The following MEGF9 variants were observed in gnomAD, a reference collection of about 807,000 sequenced individuals.
MEGF9 encodes the protein multiple EGF like domains 9.
MEGF9 carries 6 observed loss-of-function variants against 46.8 expected under a neutral mutation model. The observed-to-expected ratio is 0.13, with a 90% CI of 0.07 to 0.25. MEGF9 has a LOEUF of 0.25. MEGF9 is among the 10% of genes least tolerant of loss of function. The pLI is 1.00. For missense variants in MEGF9, 683 were observed against 792.4 expected, an observed-to-expected ratio of 0.86 and a Z score of 1.66; for synonymous variants, 302 against 330.7, an observed-to-expected ratio of 0.91 and a Z score of 0.94.
intron 1 of MEGF9, among the ~76,000 whole-genome samples, chr9:120,689,440 A>T (rs1264683365): frequency 6.6e-6 from 1 of 152,032 alleles, no homozygotes; most frequent in Non-Finnish European, 1.5e-5. Flanking sequence ...TATACAAGAG[A>T]GGAAGAATAA....
chr9:120,604,421 GATACAA>G lies in MEGF9; in HGVS notation c.*763_*768del, dbSNP rs1218900559. The G allele has an allele frequency of 1.3e-5, 2 of 152,258 alleles. No individual in the cohort carries two copies. The highest frequency in any genetic ancestry group is 2.4e-5 in the African/African-American group (1 of 41,292). 9.4% of individuals were successfully genotyped at this position (152,258 alleles called of 1,614,324 possible). On this transcript the variant is annotated 3_prime_UTR_variant, in exon 6 of 6. Coordinates refer to ENST00000373930, the MANE Select transcript of MEGF9 (RefSeq NM_001080497.3). ...TGACATGATTTTTTTTTTACAAATA[GATACAA>G]ATACAACGTCGACCAGATATGCTAC...
At chr9:120,677,426 T>C (rs2132331118) in intron 1 of MEGF9, among the ~76,000 whole-genome samples, 1 of 152,356 alleles carries the variant, frequency 6.6e-6, no homozygotes, top group East Asian at 1.9e-4. Context: ...CCACTGCGTC[T>C]GGCATTTTTT....
intron 2 of MEGF9, among the ~76,000 whole-genome samples, chr9:120,630,889 T>C (rs775942341): frequency 6.6e-6 from 1 of 152,252 alleles, no homozygotes; most frequent in Non-Finnish European, 1.5e-5. Flanking sequence ...TTAGTCTCTT[T>C]CAGATGAATA....
chr9:120,640,994 T>C (rs554525922), intron 2 of MEGF9, among the ~76,000 whole-genome samples: 1 of 152,330 alleles, frequency 6.6e-6, no homozygotes, highest in African/African-American at 2.4e-5. Context: ...TTGCCGAGGA[T>C]AATGGCCTCC....
At chr9:120,634,959 T>TA (rs2043567625) in intron 2 of MEGF9, among the ~76,000 whole-genome samples, 1 of 152,222 alleles carries the variant, frequency 6.6e-6, no homozygotes, top group South Asian at 2.1e-4. Context: ...TCCTTTCACT[T>TA]ACAGATGTAG....
intron 2 of MEGF9, among the ~76,000 whole-genome samples, chr9:120,627,189 A>C (rs982423421): frequency 1.3e-5 from 2 of 152,314 alleles, no homozygotes; most frequent in Middle Eastern, 3.4e-3. Context: ...GTTTTGGGGG[A>C]AAAAATTTTA....
intron 1 of MEGF9, among the ~76,000 whole-genome samples, chr9:120,680,924 C>T (rs1455508832): frequency 9.9e-5 from 15 of 151,654 alleles, no homozygotes; most frequent in African/African-American, 3.6e-4. Flanking sequence ...TTCCAGGCAG[C>T]AGGCTCCCCT....
chr9:120,701,551 C>G (rs1265700559), intron 1 of MEGF9, among the ~76,000 whole-genome samples: 1 of 152,110 alleles, frequency 6.6e-6, no homozygotes, highest in Non-Finnish European at 1.5e-5. Flanking sequence ...ACCAGTATAA[C>G]AGCAATCCCG....
At chr9:120,626,859 T>C (rs2043527630) in intron 2 of MEGF9, among the ~76,000 whole-genome samples, 1 of 152,182 alleles carries the variant, frequency 6.6e-6, no homozygotes, top group Admixed American at 6.5e-5. Context: ...TATTAAAAAT[T>C]GCATACACAA....
intron 1 of MEGF9, among the ~76,000 whole-genome samples, chr9:120,680,045 C>T (rs1354743875): frequency 2.6e-5 from 4 of 152,062 alleles, no homozygotes; most frequent in African/African-American, 4.8e-5. Context: ...TTCTGTTAAA[C>T]GTCTCTAATA....
intron 1 of MEGF9, among the ~76,000 whole-genome samples, chr9:120,668,808 A>G (rs539479664): frequency 6.6e-6 from 1 of 152,344 alleles, no homozygotes; most frequent in Non-Finnish European, 1.5e-5. Context: ...TAAGCAAGGA[A>G]TCTGAGTATC....
chr9:120,669,219 G>C (rs767177468), intron 1 of MEGF9, among the ~76,000 whole-genome samples: 16 of 152,070 alleles, frequency 1.1e-4, no homozygotes, highest in Non-Finnish European at 2.4e-4. Context: ...TGTTTTAAGG[G>C]AAAATCACAG....
chr9:120,624,600 G>A (rs2043515896), intron 2 of MEGF9, among the ~76,000 whole-genome samples: 1 of 152,148 alleles, frequency 6.6e-6, no homozygotes, highest in Non-Finnish European at 1.5e-5. Flanking sequence ...GGGCGTGGTG[G>A]CTCACACCTT....
intron 4 of MEGF9, among the ~76,000 whole-genome samples, chr9:120,609,730 G>A (rs1170200934): frequency 6.6e-6 from 1 of 151,940 alleles, no homozygotes; most frequent in Non-Finnish European, 1.5e-5. Flanking sequence ...AGATAGATTA[G>A]TTCTTTCCTT....
chr9:120,639,227 G>C (rs1587981020), intron 2 of MEGF9, among the ~76,000 whole-genome samples: 1 of 151,984 alleles, frequency 6.6e-6, no homozygotes, highest in Admixed American at 6.6e-5. Flanking sequence ...TAGGAACCCT[G>C]GGCAGGGCAC....
intron 3 of MEGF9, among the ~76,000 whole-genome samples, chr9:120,618,664 G>A (rs1054017715): frequency 1.4e-4 from 22 of 152,098 alleles, no homozygotes; most frequent in African/African-American, 4.1e-4. Context: ...TTGGGAGGCC[G>A]AGATGGGTGG....
rs2043417015 is a variant in MEGF9, at chr9:120,605,557, T to C, written c.1442A>G (p.Asn481Ser). ...CAGGGTTGTAGGGGTAAAAGTACTA[T>C]TTATAACAGGGGTGGGCACTGATGT... ...LTTSVPTPVI[N>S]STFTPTTLQT... Residue 481 changes from asparagine (N) to serine (S), a missense_variant, in exon 6 of 6, where the codon AAT becomes AGT. Transcript: ENST00000373930. The surrounding 1 kb of genome is among the most constrained non-coding windows in gnomAD (Gnocchi z 4.0). 1.9e-6 allele frequency: 3 copies of C among 1,610,406 alleles called. No homozygotes were observed. Among genetic ancestry groups the C allele is most frequent in the Admixed American group, 1.7e-5 (1 of 59,240 alleles).
intron 1 of MEGF9, among the ~76,000 whole-genome samples, chr9:120,684,272 T>C (rs898279318): frequency 6.6e-6 from 1 of 152,182 alleles, no homozygotes; most frequent in African/African-American, 2.4e-5. Flanking sequence ...TACACTGAAA[T>C]TAAGTCTGCT....
intron 1 of MEGF9, among the ~76,000 whole-genome samples, chr9:120,668,617 A>T (rs577215274): frequency 2.0e-5 from 3 of 152,242 alleles, no homozygotes; most frequent in Non-Finnish European, 4.4e-5. Flanking sequence ...TAATTCATCT[A>T]ATTAATGAGA....
Sources: allele counts gnomAD v4.1 joint callset (sites outside exome capture counted in the v4.1 genomes callset), GRCh38; gene constraint gnomAD v4.1.1; non-coding constraint Gnocchi (gnomAD v3.1); transcripts MANE v1.5; gene names NCBI Gene and HGNC (gene_info 2026-07-23, HGNC 2026-07-21).